STIP1: variants seen among roughly 807,000 people sequenced by gnomAD.
STIP1 encodes stress induced phosphoprotein 1.
A neutral mutation model predicts 77.4 loss-of-function variants in STIP1; 16 were observed. The ratio of observed to expected loss-of-function variants is 0.21; its 90% CI spans 0.14 to 0.31. The LOEUF is 0.31. STIP1 is among the 10% of genes least tolerant of loss of function. STIP1 has a pLI of 1.00. For synonymous variants in STIP1, 258 were observed against 246.6 expected (o/e 1.05, Z -0.44); for missense variants, 524 against 684.8 (o/e 0.77, Z 2.62).
Position 64,197,519 on chromosome 11 carries a change from A to G in STIP1, c.826A>G (p.Asn276Asp), listed in dbSNP as rs868320260. Residue 276 changes from asparagine to aspartate, a missense_variant, in exon 7 of 14, where the codon AAT becomes GAT. Coordinates refer to ENST00000305218, the MANE Select transcript of STIP1 (RefSeq NM_006819.3). ...AAVYFEKGDY[N>D]KCRELCEKAI... ...GGTATACTTTGAAAAGGGCGACTAC[A>G]ATAAGTGCCGGGAGCTTTGTGAGAA... 10 of 1,614,214 alleles carry G rather than the reference A, an allele frequency of 6.2e-6. No individual in the cohort carries two copies. Among genetic ancestry groups the G allele is most frequent in the African/African-American group, 1.3e-5 (1 of 75,046 alleles).
chr11:64,204,242 T>C lies in STIP1; in HGVS notation c.*116T>C. On this transcript the variant is annotated 3_prime_UTR_variant, in exon 14 of 14. Coordinates refer to ENST00000305218, the MANE Select transcript of STIP1 (RefSeq NM_006819.3). Reference sequence around the variant, plus strand: ...GAGAGAAGGCCTCATCTCTCTATATTTATACATAACCCCGGGGAAGACACA... The same window carrying C: ...GAGAGAAGGCCTCATCTCTCTATATCTATACATAACCCCGGGGAAGACACA... The C allele has an allele frequency of 9.6e-7, 1 of 1,039,270 alleles. No homozygotes were observed. The highest frequency in any genetic ancestry group is 1.4e-5 in the South Asian group (1 of 69,244). 64.4% of individuals were successfully genotyped at this position (1,039,270 alleles called of 1,614,324 possible).
chr11:64,186,074 C>G (rs1248810801), upstream of STIP1: 8 of 1,547,840 alleles, frequency 5.2e-6, no homozygotes, highest in Non-Finnish European at 5.2e-6. Context: ...AGATGATGGG[C>G]TGGACCTCAA....
chr11:64,190,330 C>T (rs569004607), intron 1 of STIP1, among the ~76,000 whole-genome samples: 5 of 152,276 alleles, frequency 3.3e-5, no homozygotes, highest in Admixed American at 2.0e-4. Flanking sequence ...TGCACCACCA[C>T]GCCCGGCTAA....
upstream of STIP1, chr11:64,185,876 A>G (rs1198392013): frequency 1.6e-5 from 24 of 1,536,090 alleles, no homozygotes; most frequent in Non-Finnish European, 2.1e-5. Flanking sequence ...AACGATCAGA[A>G]CCAATGGGCG....
chr11:64,202,895 A>G lies in STIP1; in HGVS notation c.1265A>G (p.Gln422Arg). The G allele has an allele frequency of 1.2e-6, 2 of 1,614,228 alleles. No homozygotes were observed. The highest frequency in any genetic ancestry group is 1.7e-6 in the Non-Finnish European group (2 of 1,180,044). The change falls in exon 11 of 14, where the codon CAG (glutamine) becomes CGG (arginine). Residue 422 changes from glutamine (Q) to arginine (R), a missense_variant. Gln to Arg is a conservative substitution (Grantham distance 43, BLOSUM62 1). Transcript: ENST00000305218. Reference sequence around the variant, plus strand: ...TTCTAGGACTGTGAGGAATGTATCCAGCTGGAGCCGACCTTCAGTAAGTGC... The same window carrying G: ...TTCTAGGACTGTGAGGAATGTATCCGGCTGGAGCCGACCTTCAGTAAGTGC... ...LALKDCEECI[Q>R]LEPTFIKGYT... is the part of the protein sequence containing the mutation.
At chr11:64,191,572 C>T (rs1946093168) in intron 1 of STIP1, among the ~76,000 whole-genome samples, 1 of 152,170 alleles carries the variant, frequency 6.6e-6, no homozygotes, top group South Asian at 2.1e-4. Flanking sequence ...TGCCACTACA[C>T]TCCAGTCTGG....
rs778258348 is a variant in STIP1, at chr11:64,195,876, A to AT, written c.672+64dup. The AT allele has an allele frequency of 2.5e-6, 4 of 1,602,818 alleles. No homozygotes were observed. The South Asian group carries it at 4.4e-5, about 18-fold the overall frequency. On this transcript the variant is annotated intron_variant, in intron 5 of 13. Coordinates refer to ENST00000305218, the MANE Select transcript of STIP1 (RefSeq NM_006819.3). ...AAACAACTAGAAATCTTTATGTTGA[A>AT]TGGGGACATCTGTTGACCTTGATTG...
intron 8 of STIP1, 58 bp from the exon 9 acceptor site, chr11:64,199,882 C>A: frequency 1.3e-6 from 2 of 1,598,818 alleles, no homozygotes; most frequent in South Asian, 1.1e-5. Flanking sequence ...ATTTTTAAGC[C>A]CAATATTTAG....
chr11:64,199,216 C>T (rs1212914073), intron 8 of STIP1, among the ~76,000 whole-genome samples: 1 of 143,166 alleles, frequency 7.0e-6, no homozygotes, highest in Non-Finnish European at 1.5e-5. Flanking sequence ...AAAATCTTGC[C>T]AGCAATAGCC....
rs147689896 is a variant in STIP1, at chr11:64,197,275, T to G, written c.677T>G (p.Leu226Arg). The G allele has an allele frequency of 1.9e-5, 31 of 1,613,930 alleles. No individual in the cohort carries two copies. The highest frequency in any genetic ancestry group is 2.5e-5 in the Non-Finnish European group (30 of 1,180,022). ...TCACTTCTAAACCTCATCTAGGCAC[T>G]GAAAGAAAAAGAGCTGGGGAACGAT... ...EDLPENKKQALKEKELGNDAY... is the reference protein window; with the variant it reads ...EDLPENKKQARKEKELGNDAY... The change falls in exon 6 of 14, where the codon CTG becomes CGG. Residue 226 changes from leucine (L) to arginine (R), a missense_variant. Coordinates refer to ENST00000305218, the MANE Select transcript of STIP1 (RefSeq NM_006819.3).
At chr11:64,191,044 G>C (rs574632521) in intron 1 of STIP1, among the ~76,000 whole-genome samples, 1 of 151,948 alleles carries the variant, frequency 6.6e-6, no homozygotes, top group Non-Finnish European at 1.5e-5. Flanking sequence ...AAAATTAGAC[G>C]GATGTGGTAG....
intron 2 of STIP1, 36 bp from the exon 3 acceptor site, chr11:64,194,153 T>C (rs1469148153): frequency 1.9e-6 from 3 of 1,588,054 alleles, no homozygotes; most frequent in East Asian, 2.2e-5. Context: ...TACCTCTGGG[T>C]GTTCTCTATT....
intron 9 of STIP1, 27 bp from the exon 10 acceptor site, chr11:64,200,142 A>G: frequency 6.2e-7 from 1 of 1,609,826 alleles, no homozygotes; most frequent in African/African-American, 1.3e-5. Context: ...TGCTTTTTAA[A>G]AGACAGTCTT....
chr11:64,185,316 A>G, upstream of STIP1: 2 of 163,284 alleles, frequency 1.2e-5, no homozygotes, highest in Non-Finnish European at 2.7e-5. Context: ...GCGCGCTGAG[A>G]AAGGGTGTGC....
At chr11:64,203,841 A>G in intron 13 of STIP1, 1 of 767,676 alleles carries the variant, frequency 1.3e-6, no homozygotes, top group East Asian at 2.7e-5. Context: ...AGCTGGGAGA[A>G]AGGTCTTGAC....
chr11:64,203,958 G>T, intron 13 of STIP1, 96 bp from the exon 14 acceptor site: 2 of 1,441,804 alleles, frequency 1.4e-6, no homozygotes, highest in Non-Finnish European at 1.9e-6. Flanking sequence ...TCCCTGCCGG[G>T]GCCTTCTGTA....
chr11:64,187,336 A>AG (rs1442519059), intron 1 of STIP1, among the ~76,000 whole-genome samples: 3 of 152,022 alleles, frequency 2.0e-5, no homozygotes, highest in Non-Finnish European at 4.4e-5. Flanking sequence ...CCCGCTCGGG[A>AG]GTACTACTGT....
intron 1 of STIP1, among the ~76,000 whole-genome samples, chr11:64,187,291 C>T (rs1337852462): frequency 6.6e-6 from 1 of 152,088 alleles, no homozygotes; most frequent in Admixed American, 6.5e-5. Context: ...AAACAACCTC[C>T]AAGAAACCTC....
rs779596313 is a variant in STIP1, at chr11:64,195,746, C to T, written c.605C>T (p.Pro202Leu). The stretch of plus-strand genomic sequence containing the variant: ...GAAGAGATTGCAACACCTCCACCAC[C>T]ACCCCCTCCCAAAAAGGAGACCAAG... The part of the protein sequence containing the change: ...EEEEIATPPP[P>L]PPPKKETKPE... The change falls in exon 5 of 14, where the codon CCA becomes CTA. Residue 202 changes from proline (P) to leucine (L), a missense_variant. Physicochemically the swap from Pro to Leu is moderately conservative, Grantham distance 98. Coordinates refer to ENST00000305218, the MANE Select transcript of STIP1 (RefSeq NM_006819.3). The T allele has an allele frequency of 6.2e-7, 1 of 1,614,094 alleles. No homozygotes were observed. Among genetic ancestry groups the T allele is most frequent in the South Asian group, 1.1e-5 (1 of 91,076 alleles).
Sources: allele counts gnomAD v4.1 joint callset (sites outside exome capture counted in the v4.1 genomes callset), GRCh38; gene constraint gnomAD v4.1.1; transcripts MANE v1.5; gene names NCBI Gene and HGNC (gene_info 2026-07-23, HGNC 2026-07-21).